Variants in LHFPL6 observed in about 807,000 individuals in gnomAD.
The protein encoded by LHFPL6 is LHFPL tetraspan subfamily member 6 protein.
LHFPL6 carries 9 observed loss-of-function variants against 20.6 expected under a neutral mutation model. That is an observed-to-expected ratio of 0.44 (90% CI 0.26 to 0.76). The LOEUF is 0.76. Among genes scored for constraint, LHFPL6 ranks in the 30% least tolerant of loss-of-function variants. LHFPL6 has a pLI of 0.20. For synonymous variants in LHFPL6, 105 were observed against 98.7 expected, an observed-to-expected ratio of 1.06 and a Z score of -0.38; for missense variants, 218 against 253.5, an observed-to-expected ratio of 0.86 and a Z score of 0.95.
chr13:39,562,579 TAC>T (rs1566142174), intron 2 of LHFPL6, among the ~76,000 whole-genome samples: 20 of 131,462 alleles, frequency 1.5e-4, no homozygotes, highest in Admixed American at 1.3e-3. Context: ...CATACATATA[TAC>T]ACATATATAC....
At chr13:39,415,283 T>C (rs1871320192) in intron 2 of LHFPL6, among the ~76,000 whole-genome samples, 1 of 152,118 alleles carries the variant, frequency 6.6e-6, no homozygotes, top group South Asian at 2.1e-4. Context: ...TGGGCATGAA[T>C]CCCGTTGGAT....
intron 2 of LHFPL6, among the ~76,000 whole-genome samples, chr13:39,454,863 T>C (rs1263422487): frequency 1.3e-5 from 2 of 152,328 alleles, no homozygotes; most frequent in African/African-American, 2.4e-5. Context: ...TTTCATCCAA[T>C]AGGTCACAAT....
chr13:39,573,538 A>T (rs1358874672), intron 2 of LHFPL6, among the ~76,000 whole-genome samples: 1 of 152,182 alleles, frequency 6.6e-6, no homozygotes, highest in Non-Finnish European at 1.5e-5. Flanking sequence ...CATAGTTGTA[A>T]ATAGAAAATT....
At chr13:39,507,336 C>T (rs928098219) in intron 2 of LHFPL6, among the ~76,000 whole-genome samples, 6 of 152,088 alleles carry the variant, frequency 3.9e-5, no homozygotes, top group East Asian at 1.9e-4. Flanking sequence ...TTTCCTGTGC[C>T]GTCAGAGGTC....
intron 2 of LHFPL6, among the ~76,000 whole-genome samples, chr13:39,486,720 A>G (rs892244956): frequency 1.3e-5 from 2 of 152,228 alleles, no homozygotes; most frequent in African/African-American, 4.8e-5. Context: ...GGTCACTTTG[A>G]GCCTCCTTTT....
chr13:39,581,370 T>C (rs1360068258), intron 2 of LHFPL6, among the ~76,000 whole-genome samples: 2 of 152,162 alleles, frequency 1.3e-5, no homozygotes, highest in Admixed American at 1.3e-4. Context: ...TGTAATTTAA[T>C]GAAACCTACT....
rs533407524 is a variant in LHFPL6, at chr13:39,433,133, T to C, written c.386-54607A>G. Among the ~76,000 whole-genome samples, 191 of 152,282 alleles carry C rather than the reference T, an allele frequency of 1.3e-3. 6 individuals carry two copies. In the South Asian group the frequency reaches 0.038, roughly 30 times the overall value. ...GGAGAACTAAGCTGGCCAGCTAAGC[T>C]CTTCTACCTCTAAATTGTTATAAGG... is the stretch of plus-strand genomic sequence containing the variant. On this transcript the variant is annotated intron_variant, in intron 2 of 3. Coordinates refer to ENST00000379589, the MANE Select transcript of LHFPL6 (RefSeq NM_005780.3).
intron 2 of LHFPL6, among the ~76,000 whole-genome samples, chr13:39,535,519 A>T (rs1032366601): frequency 6.6e-6 from 1 of 152,260 alleles, no homozygotes; most frequent in Admixed American, 6.5e-5. Context: ...GAAGAAACTT[A>T]GATAAAAATT....
intron 2 of LHFPL6, among the ~76,000 whole-genome samples, chr13:39,422,651 T>G (rs2138397378): frequency 6.6e-6 from 1 of 151,796 alleles, no homozygotes; most frequent in South Asian, 2.1e-4. Context: ...TACAAATTCC[T>G]TATAAAAATA....
intron 2 of LHFPL6, among the ~76,000 whole-genome samples, chr13:39,591,090 A>G (rs1379649980): frequency 6.6e-6 from 1 of 152,018 alleles, no homozygotes; most frequent in Non-Finnish European, 1.5e-5. Flanking sequence ...ATAATGGAAA[A>G]CTCTATATCC....
At chr13:39,593,365 T>C (rs980687215) in intron 2 of LHFPL6, among the ~76,000 whole-genome samples, 8 of 152,134 alleles carry the variant, frequency 5.3e-5, no homozygotes, top group African/African-American at 1.2e-4. Flanking sequence ...CCATTCACAA[T>C]TGCTTCAAAG....
intron 2 of LHFPL6, among the ~76,000 whole-genome samples, chr13:39,588,254 T>G (rs1056691210): frequency 6.6e-6 from 1 of 152,204 alleles, no homozygotes; most frequent in African/African-American, 2.4e-5. Context: ...TATAAGACTG[T>G]GAGCTCAGCA....
At chr13:39,417,636 TC>T (rs776998429) in intron 2 of LHFPL6, among the ~76,000 whole-genome samples, 2 of 152,160 alleles carry the variant, frequency 1.3e-5, no homozygotes, top group African/African-American at 2.4e-5. Flanking sequence ...ACGGACCTCA[TC>T]TTTATTCCTC....
intron 2 of LHFPL6, among the ~76,000 whole-genome samples, chr13:39,570,567 T>C (rs1871882014): frequency 6.6e-6 from 1 of 150,580 alleles, no homozygotes; most frequent in Admixed American, 6.6e-5. Context: ...ATGATAATCT[T>C]ATATAATACA....
At chr13:39,595,297 C>T (rs889142789) in intron 2 of LHFPL6, among the ~76,000 whole-genome samples, 7 of 152,082 alleles carry the variant, frequency 4.6e-5, no homozygotes, top group African/African-American at 1.4e-4. Flanking sequence ...AGTGTATCTT[C>T]CTTTCTTTCC....
intron 2 of LHFPL6, among the ~76,000 whole-genome samples, chr13:39,519,944 G>A (rs1366273448): frequency 1.3e-5 from 2 of 152,104 alleles, no homozygotes; most frequent in South Asian, 2.1e-4. Flanking sequence ...ACTAACCACC[G>A]GAGCCACCAG....
intron 2 of LHFPL6, among the ~76,000 whole-genome samples, chr13:39,559,765 C>T (rs1449325352): frequency 1.3e-5 from 2 of 152,202 alleles, no homozygotes; most frequent in African/African-American, 2.4e-5. Context: ...AGAAGGCCAC[C>T]TAACCTACAT....
intron 2 of LHFPL6, among the ~76,000 whole-genome samples, chr13:39,463,769 A>G (rs925180255): frequency 6.6e-6 from 1 of 152,210 alleles, no homozygotes; most frequent in African/African-American, 2.4e-5. Flanking sequence ...TAATTGATTT[A>G]CTGAGGATTA....
At chr13:39,444,998 T>C (rs977190610) in intron 2 of LHFPL6, among the ~76,000 whole-genome samples, 4 of 152,184 alleles carry the variant, frequency 2.6e-5, no homozygotes, top group African/African-American at 9.7e-5. Flanking sequence ...CCCTTATTAA[T>C]TGGGTTAATG....
Sources: gnomAD v4.1 joint callset for allele counts (sites outside exome capture counted in the v4.1 genomes callset) on GRCh38, gnomAD v4.1.1 for gene constraint, MANE v1.5 for transcripts, NCBI Gene and HGNC (gene_info 2026-07-23, HGNC 2026-07-21) for gene names.